Variants in IL1RL1 observed in about 807,000 individuals in gnomAD.
The protein encoded by IL1RL1 is interleukin-1 receptor-like 1.
A neutral mutation model predicts 50.9 loss-of-function variants in IL1RL1; 32 were observed. The observed-to-expected ratio is 0.63, with a 90% confidence interval of 0.47 to 0.84. The LOEUF is 0.84. Ranked by LOEUF, IL1RL1 falls within the 40% of genes least tolerant of loss-of-function variation. The pLI is 0.00. For missense variants in IL1RL1, 773 were observed against 662.9 expected (o/e 1.17, Z -1.82); for synonymous variants, 275 against 236.0 (o/e 1.17, Z -1.51).
chr2:102,330,326 A>G (rs1313386366), intron 1 of IL1RL1, among the ~76,000 whole-genome samples: 2 of 136,476 alleles, frequency 1.5e-5, no homozygotes, highest in Admixed American at 7.4e-5. Flanking sequence ...AACATCACAC[A>G]CCACGGCCTG....
intron 1 of IL1RL1, among the ~76,000 whole-genome samples, chr2:102,323,162 T>A (rs1300284874): frequency 1.3e-5 from 2 of 151,414 alleles, no homozygotes; most frequent in Non-Finnish European, 2.9e-5. Context: ...TTACAAGTGT[T>A]TTGTGGATAT....
At chr2:102,323,825 C>T (rs1676911050) in intron 1 of IL1RL1, among the ~76,000 whole-genome samples, 1 of 152,152 alleles carries the variant, frequency 6.6e-6, no homozygotes. Context: ...ACCATCATCT[C>T]AATTGACATA....
chr2:102,340,833 G>A lies in IL1RL1; in HGVS notation c.610+5G>A, dbSNP rs1456469501. On this transcript the variant is annotated splice_donor_5th_base_variant and intron_variant, in intron 5 of 10. Coordinates refer to ENST00000233954, the MANE Select transcript of IL1RL1 (RefSeq NM_016232.5). ...CCAGGTCCTTCACGGTCAAGGGTAA[G>A]CTACTGACATTAATGAGATAGAATA... 2 of 1,563,266 alleles carry A rather than the reference G, an allele frequency of 1.3e-6. No homozygotes were observed. Among genetic ancestry groups the A allele is most frequent in the African/African-American group, 2.8e-5 (2 of 71,160 alleles).
chr2:102,340,157 G>T lies in IL1RL1; in HGVS notation c.332G>T (p.Cys111Phe). ...ACCATATATAAAAAACAATCAGATT[G>T]CAATGTTCCAGATTATTTGATGTAT... ...NVTIYKKQSD[C>F]NVPDYLMYST... Residue 111 changes from cysteine (C) to phenylalanine (F), a missense_variant, in exon 4 of 11, where the codon TGC becomes TTC. Coordinates refer to ENST00000233954, the MANE Select transcript of IL1RL1 (RefSeq NM_016232.5). 2 of 1,592,928 alleles carry T rather than the reference G, an allele frequency of 1.3e-6. No homozygotes were observed. The highest frequency in any genetic ancestry group is 1.1e-5 in the South Asian group (1 of 88,050).
At chr2:102,341,793 A>T (rs1677576024) in intron 5 of IL1RL1, among the ~76,000 whole-genome samples, 1 of 152,204 alleles carries the variant, frequency 6.6e-6, no homozygotes, top group Non-Finnish European at 1.5e-5. Context: ...GATTTCACTG[A>T]GGATGGGCCA....
chr2:102,345,267 G>T (rs563826670), intron 8 of IL1RL1: 1 of 985,412 alleles, frequency 1.0e-6, no homozygotes, highest in South Asian at 4.7e-5. Flanking sequence ...ATGCAATGTT[G>T]TCTTGGAAAA....
chr2:102,345,629 G>A (rs1192878009), intron 8 of IL1RL1: 6 of 985,298 alleles, frequency 6.1e-6, no homozygotes, highest in Non-Finnish European at 7.2e-6. Flanking sequence ...GCAGGTCTCT[G>A]CCTGAAGTGC....
rs771721330 is a variant in IL1RL1 at position 102,351,599 on chromosome 2, C to T, written c.1349C>T (p.Pro450Leu). Residue 450 changes from proline to leucine, a missense_variant, in exon 11 of 11, where the codon CCT becomes CTT. Transcript: ENST00000233954. ...AGGCGGCACATTTTCATCCTGACCC[C>T]TCAGATCACTCACAATAAGGAGTTT... ...KSRRHIFILT[P>L]QITHNKEFAY... The T allele has an allele frequency of 6.2e-7, 1 of 1,614,130 alleles. No individual in the cohort carries two copies. The highest frequency in any genetic ancestry group is 1.1e-5 in the South Asian group (1 of 91,086).
At chr2:102,312,323 A>C (rs1370624212) in intron 1 of IL1RL1, among the ~76,000 whole-genome samples, 1 of 150,518 alleles carries the variant, frequency 6.6e-6, no homozygotes, top group African/African-American at 2.4e-5. Context: ...CATTGTTATC[A>C]ATTTTGCTTG....
intron 6 of IL1RL1, 81 bp downstream of exon 6, chr2:102,342,375 G>A (rs1022894900): frequency 1.0e-5 from 10 of 978,062 alleles, no homozygotes; most frequent in African/African-American, 6.4e-5. Flanking sequence ...TCCCTTAGCA[G>A]GGGTCAGGCA....
chr2:102,319,147 G>T (rs1457411672), intron 1 of IL1RL1, among the ~76,000 whole-genome samples: 1 of 152,082 alleles, frequency 6.6e-6, no homozygotes, highest in African/African-American at 2.4e-5. Context: ...AGAACTTATT[G>T]CAATGTGTTT....
intron 3 of IL1RL1, 165 bp downstream of exon 3, chr2:102,339,212 T>C: frequency 1.7e-6 from 1 of 600,642 alleles, no homozygotes; most frequent in Admixed American, 2.9e-5. Context: ...CTAGGAATAC[T>C]ATCAGGTTGA....
At chr2:102,342,324 A>G (rs1280253635) in intron 6 of IL1RL1, 30 bp downstream of exon 6, 4 of 1,491,828 alleles carry the variant, frequency 2.7e-6, no homozygotes, top group South Asian at 1.1e-5. Flanking sequence ...TGCTGTAAAT[A>G]TTGCCTGGAA....
chr2:102,339,040 G>A lies in IL1RL1; in HGVS notation c.265G>A (p.Val89Ile). Reference protein sequence around the residue: ...VADSGIYTCIVRSPTFNRTGY... With the variant: ...VADSGIYTCIIRSPTFNRTGY... Reference sequence around the variant, plus strand: ...TGATTCTGGTATTTATACCTGTATTGTCAGAAGGTATTATGCAGAAGGCTC... The same window carrying A: ...TGATTCTGGTATTTATACCTGTATTATCAGAAGGTATTATGCAGAAGGCTC... The change falls in exon 3 of 11, where the codon GTC becomes ATC. Residue 89 changes from valine (V) to isoleucine (I), a missense_variant. Val to Ile is a conservative substitution (Grantham distance 29). Transcript: ENST00000233954. The A allele has an allele frequency of 6.2e-7, 1 of 1,609,374 alleles. No individual in the cohort carries two copies. Among genetic ancestry groups the A allele is most frequent in the Non-Finnish European group, 8.5e-7 (1 of 1,176,296 alleles).
At position 102,338,930 on chromosome 2, in the gene IL1RL1, A is replaced by G. The variant is rs968352217; in HGVS notation, c.155A>G (p.Gln52Arg). Residue 52 changes from glutamine to arginine, a missense_variant, in exon 3 of 11, where the codon CAA (glutamine) becomes CGA (arginine). Transcript: ENST00000233954. Reference protein sequence around the residue: ...PSYTVDWYYSQTNKSIPTQER... With the variant: ...PSYTVDWYYSRTNKSIPTQER... The stretch of plus-strand genomic sequence containing the variant: ...TACACCGTGGATTGGTATTACTCAC[A>G]AACAAACAAAAGTATTCCCACTCAG... The G allele has an allele frequency of 1.2e-6, 2 of 1,613,930 alleles. No individual in the cohort carries two copies. The highest frequency in any genetic ancestry group is 1.7e-6 in the Non-Finnish European group (2 of 1,179,842).
chr2:102,320,521 G>A (rs974389), intron 1 of IL1RL1, among the ~76,000 whole-genome samples: 79,956 of 151,874 alleles, frequency 0.53, 21,299 homozygotes, highest in Middle Eastern at 0.65. Flanking sequence ...TTCAGAAGCA[G>A]ATATTCATCC....
At chr2:102,329,645 A>T (rs182913822) in intron 1 of IL1RL1, among the ~76,000 whole-genome samples, 1,751 of 152,330 alleles carry the variant, frequency 0.011, 32 homozygotes, top group African/African-American at 0.04. Flanking sequence ...TTTACAAGAA[A>T]AAAACAAACA....
intron 6 of IL1RL1, 106 bp from the exon 7 acceptor site, chr2:102,342,930 G>A (rs1176863627): frequency 9.7e-7 from 1 of 1,033,950 alleles, no homozygotes; most frequent in Admixed American, 2.2e-5. Flanking sequence ...AGGTCCTGGT[G>A]GGGTGCATAC....
At chr2:102,339,926 C>T (rs1183612432) in intron 3 of IL1RL1, among the ~76,000 whole-genome samples, 172 bp from the exon 4 acceptor site, 6 of 151,618 alleles carry the variant, frequency 4.0e-5, no homozygotes, top group Admixed American at 2.0e-4. Context: ...TCAAGTGTAA[C>T]AAAAAAGTAT....
Sources: allele counts gnomAD v4.1 joint callset (sites outside exome capture counted in the v4.1 genomes callset), GRCh38; gene constraint gnomAD v4.1.1; transcripts MANE v1.5; gene names NCBI Gene and HGNC (gene_info 2026-07-23, HGNC 2026-07-21).